The following OTULIN variants were observed in gnomAD, a reference collection of about 807,000 sequenced individuals.
The protein encoded by OTULIN is OTU deubiquitinase with linear linkage specificity.
A neutral mutation model predicts 39.6 loss-of-function variants in OTULIN; 15 were observed. That is an observed-to-expected ratio of 0.38 (90% confidence interval 0.25 to 0.58). The LOEUF (loss-of-function observed/expected upper bound fraction) is 0.58. Ranked by LOEUF, OTULIN falls within the 20% of genes least tolerant of loss-of-function variation. The pLI, the probability that OTULIN is intolerant of heterozygous loss-of-function variation, is 0.66. For missense variants in OTULIN, 319 were observed against 445.9 expected (o/e 0.72, Z 2.56); for synonymous variants, 156 against 170.3 (o/e 0.92, Z 0.65).
chr5:14,713,941 C>T, the OTULIN span, among the ~76,000 whole-genome samples: 1 of 152,254 alleles, frequency 6.6e-6, no homozygotes, highest in African/African-American at 2.4e-5. This position sits in a 1 kb window ranked among gnomAD's most constrained non-coding sequence, Gnocchi z 4.4. Flanking sequence ...ATCTTCCAGG[C>T]AGCCTAGCTG....
downstream of OTULIN, among the ~76,000 whole-genome samples, chr5:14,704,086 C>T (rs1471205379): frequency 6.6e-6 from 1 of 152,022 alleles, no homozygotes; most frequent in Non-Finnish European, 1.5e-5. Flanking sequence ...AATCCCAGCA[C>T]TTTGGGAGGC....
chr5:14,714,634 C>T, the OTULIN span, among the ~76,000 whole-genome samples: 71 of 152,246 alleles, frequency 4.7e-4, no homozygotes, highest in African/African-American at 1.4e-3. Context: ...TTAATACTAA[C>T]GAGGCTAATT....
intron 1 of OTULIN, among the ~76,000 whole-genome samples, chr5:14,669,909 C>G (rs548570595): frequency 1.2e-3 from 187 of 152,290 alleles, no homozygotes; most frequent in Non-Finnish European, 2.1e-3. Context: ...AAACATTTAT[C>G]ATTTCTTTGT....
chr5:14,676,442 G>A (rs1304555340), intron 2 of OTULIN, among the ~76,000 whole-genome samples: 4 of 152,240 alleles, frequency 2.6e-5, no homozygotes, highest in Non-Finnish European at 5.9e-5. Flanking sequence ...GAGGACCACA[G>A]CAGAATGGGA....
chr5:14,713,003 C>T, the OTULIN span: 1 of 1,593,694 alleles, frequency 6.3e-7, no homozygotes, highest in Non-Finnish European at 8.6e-7. This position sits in a 1 kb window ranked among gnomAD's most constrained non-coding sequence, Gnocchi z 4.4. Flanking sequence ...GGCAATTTGT[C>T]TGTTAAGGCC....
At chr5:14,711,432 A>AT in the OTULIN span, 1 of 818,806 alleles carries the variant, frequency 1.2e-6, no homozygotes, top group Non-Finnish European at 2.1e-6. Context: ...AAACCTTCTT[A>AT]TGGTTGGGGT....
chr5:14,680,487 T>C (rs1353928666), intron 3 of OTULIN, among the ~76,000 whole-genome samples: 4 of 152,130 alleles, frequency 2.6e-5, no homozygotes, highest in Non-Finnish European at 5.9e-5. Context: ...TGAGTGACTG[T>C]CAATGAAAAG....
rs1736661794 is a variant in OTULIN, at chr5:14,696,126, C to T, written c.*3078C>T. On this transcript the variant is annotated 3_prime_UTR_variant, in exon 7 of 7. Transcript: ENST00000284274. Reference sequence around the variant, plus strand: ...CTTGGTCTTTGTTTTTGTTATTCATCCTGTGTCCTCCCTCTTCCCGATGTG... The same window carrying T: ...CTTGGTCTTTGTTTTTGTTATTCATTCTGTGTCCTCCCTCTTCCCGATGTG... 6.6e-6 allele frequency: 1 copy of T among 151,916 alleles called. No homozygotes were observed. Among genetic ancestry groups the T allele is most frequent in the African/African-American group, 2.4e-5 (1 of 41,410 alleles). 9.4% of individuals were successfully genotyped at this position (151,916 alleles called of 1,614,324 possible).
rs1468440683 is a variant in OTULIN at position 14,695,794 on chromosome 5, C to T, written c.*2746C>T. 1 of 152,150 alleles carries T rather than the reference C, an allele frequency of 6.6e-6. No homozygotes were observed. The highest frequency in any genetic ancestry group is 2.4e-5 in the African/African-American group (1 of 41,422). 9.4% of individuals were successfully genotyped at this position (152,150 alleles called of 1,614,324 possible). ...AATACATGGTCTCTAACTGATGATT[C>T]GGGCCTGGATTTGATTGAAAGTGTT... On this transcript the variant is annotated 3_prime_UTR_variant, in exon 7 of 7. Transcript: ENST00000284274.
At chr5:14,703,633 A>G (rs1462758053), downstream of OTULIN, among the ~76,000 whole-genome samples, 4 of 151,816 alleles carry the variant, frequency 2.6e-5, no homozygotes, top group South Asian at 4.1e-4. Flanking sequence ...TAAGAGTACC[A>G]CTCCCCACAG....
intron 6 of OTULIN, among the ~76,000 whole-genome samples, chr5:14,692,054 T>C (rs1736541234): frequency 6.6e-6 from 1 of 152,226 alleles, no homozygotes; most frequent in Admixed American, 6.5e-5. Context: ...GCTATGAACA[T>C]TCATGTATAA....
intron 2 of OTULIN, among the ~76,000 whole-genome samples, chr5:14,675,752 T>C (rs1736089743): frequency 6.6e-6 from 1 of 152,210 alleles, no homozygotes; most frequent in African/African-American, 2.4e-5. Context: ...TCTCAGACCT[T>C]CTGGGTTCAT....
At chr5:14,688,551 A>G (rs1312820677) in intron 5 of OTULIN, among the ~76,000 whole-genome samples, 1 of 152,318 alleles carries the variant, frequency 6.6e-6, no homozygotes, top group East Asian at 1.9e-4. Context: ...TTATTGAATT[A>G]GTGAACTGAG....
downstream of OTULIN, among the ~76,000 whole-genome samples, chr5:14,702,804 A>G (rs76780096): frequency 5.1e-3 from 781 of 152,266 alleles, 4 homozygotes; most frequent in Non-Finnish European, 7.4e-3. Flanking sequence ...TAATGATTGT[A>G]CTTGTTAATT....
At chr5:14,676,048 C>T (rs1050258589) in intron 2 of OTULIN, among the ~76,000 whole-genome samples, 9 of 152,262 alleles carry the variant, frequency 5.9e-5, no homozygotes, top group South Asian at 4.1e-4. Flanking sequence ...CTGTCTGGCC[C>T]GTTACAGACA....
Position 14,673,652 on chromosome 5 carries a change from A to G in OTULIN, c.163A>G (p.Met55Val), listed in dbSNP as rs757388889. 3.1e-6 allele frequency: 5 copies of G among 1,613,662 alleles called. No homozygotes were observed. Among genetic ancestry groups the G allele is most frequent in the Non-Finnish European group, 4.2e-6 (5 of 1,179,774 alleles). ...MQCPAEHEEDMYRAADEIEKE... is the reference protein window; with the variant it reads ...MQCPAEHEEDVYRAADEIEKE... The stretch of plus-strand genomic sequence containing the variant: ...TTGGTGTAATTTCAGTGAGGAGGAC[A>G]TGTACCGTGCTGCAGATGAAATAGA... Residue 55 changes from methionine (M) to valine (V), a missense_variant, in exon 2 of 7, where the codon ATG (methionine) becomes GTG (valine). This residue lies in a region of OTULIN where 132 missense variants were observed against 143.7 expected (regional missense o/e 0.92). Transcript: ENST00000284274.
rs1450108032 is a variant in OTULIN at position 14,697,403 on chromosome 5, C to G, written c.*4355C>G. 1 of 152,164 alleles carries G rather than the reference C, an allele frequency of 6.6e-6. No individual in the cohort carries two copies. The highest frequency in any genetic ancestry group is 1.5e-5 in the Non-Finnish European group (1 of 68,054). 9.4% of individuals were successfully genotyped at this position (152,164 alleles called of 1,614,324 possible). On this transcript the variant is annotated 3_prime_UTR_variant, in exon 7 of 7. Coordinates refer to ENST00000284274, the MANE Select transcript of OTULIN (RefSeq NM_138348.6). Reference sequence around the variant, plus strand: ...TGTTGGCCAGGCTGGTCTCGAGCTCCTGGCCTCAGGTGATCCACCTGCTTT... The same window carrying G: ...TGTTGGCCAGGCTGGTCTCGAGCTCGTGGCCTCAGGTGATCCACCTGCTTT...
At chr5:14,692,058 T>C (rs1173797720) in intron 6 of OTULIN, among the ~76,000 whole-genome samples, 1 of 152,248 alleles carries the variant, frequency 6.6e-6, no homozygotes, top group East Asian at 1.9e-4. Flanking sequence ...TGAACATTCA[T>C]GTATAATTTT....
downstream of OTULIN, among the ~76,000 whole-genome samples, chr5:14,704,422 G>T (rs1051700476): frequency 6.6e-6 from 1 of 151,882 alleles, no homozygotes; most frequent in African/African-American, 2.4e-5. Context: ...ATGTGGGCAG[G>T]AGGATTGTCG....
Sources: gnomAD v4.1 joint callset for allele counts (sites outside exome capture counted in the v4.1 genomes callset) on GRCh38, gnomAD v4.1.1 for gene constraint, gnomAD v4.1.1 regional missense constraint, Gnocchi (gnomAD v3.1) non-coding constraint, MANE v1.5 for transcripts, NCBI Gene and HGNC (gene_info 2026-07-23, HGNC 2026-07-21) for gene names.